The following KLK12 variants were observed in gnomAD, a reference collection of about 807,000 sequenced individuals.
KLK12 encodes kallikrein related peptidase 12, also known as kallikrein-12.
Under a neutral mutation model 20.0 loss-of-function variants are expected in KLK12, and 23 were observed. The observed-to-expected ratio is 1.15, with a 90% confidence interval of 0.83 to 1.63. The LOEUF (loss-of-function observed/expected upper bound fraction) is 1.63, where lower values mean the gene tolerates loss of function less well. Ranked by LOEUF, KLK12 falls within the 40% of genes most tolerant of loss-of-function variation. KLK12 has a pLI of 0.00. For missense variants in KLK12, 351 were observed against 338.6 expected (o/e 1.04, Z -0.29); for synonymous variants, 147 against 141.9 (o/e 1.04, Z -0.25).
chr19:51,030,801 T>C lies in KLK12; in HGVS notation c.578A>G (p.Gln193Arg), dbSNP rs1181282557. 2.5e-6 allele frequency: 4 copies of C among 1,613,734 alleles called. No individual in the cohort carries two copies. Among genetic ancestry groups the C allele is most frequent in the Non-Finnish European group, 3.4e-6 (4 of 1,180,026 alleles). ...NMVCAGGVPG[Q>R]DACQGDSGGP... Reference sequence around the variant, plus strand: ...GCACTGGCTCACCTGGCAGGCATCCTGCCCCGGGACGCCGCCTGCACACAC... The same window carrying C: ...GCACTGGCTCACCTGGCAGGCATCCCGCCCCGGGACGCCGCCTGCACACAC... Residue 193 changes from glutamine to arginine, a missense_variant, in exon 5 of 6, where the codon CAG becomes CGG. Coordinates refer to ENST00000684732, the MANE Select transcript of KLK12 (RefSeq NM_001370125.1).
intron 5 of KLK12, 24 bp downstream of exon 5, chr19:51,030,764 C>T (rs75565227): frequency 0.093 from 149,283 of 1,612,314 alleles, 7,780 homozygotes; most frequent in South Asian, 0.16. Flanking sequence ...CTGGTGACCA[C>T]GCACGCTGCC....
At chr19:51,033,833 TAAGG>T in intron 3 of KLK12, 143 bp downstream of exon 3, 2 of 870,086 alleles carry the variant, frequency 2.3e-6, no homozygotes, top group South Asian at 3.0e-5. Context: ...GGCCCACTGC[TAAGG>T]AAGTTCCACT....
rs2091597006 is a variant in KLK12, at chr19:51,034,950, C to T, written c.-164G>A. On this transcript the variant is annotated 5_prime_UTR_variant, in exon 1 of 6. Coordinates refer to ENST00000684732, the MANE Select transcript of KLK12 (RefSeq NM_001370125.1). ...CAACTCTACCACTCTGCACCTGGCT[C>T]CTCAGCCACCTGTCATGTTGCTCAA... 2.5e-6 allele frequency: 3 copies of T among 1,223,908 alleles called. No individual in the cohort carries two copies. Among genetic ancestry groups the T allele is most frequent in the East Asian group, 4.4e-5 (1 of 22,910 alleles). 75.8% of individuals were successfully genotyped at this position (1,223,908 alleles called of 1,614,324 possible).
chr19:51,033,220 CA>C (rs11285439), intron 3 of KLK12, among the ~76,000 whole-genome samples: 32,631 of 109,690 alleles, frequency 0.3, 3,724 homozygotes, highest in East Asian at 0.46. Flanking sequence ...ACTCTGTCTC[CA>C]AAAAAAAAAA....
rs372732618 is a variant in KLK12, at chr19:51,030,940, T to G, written c.458-19A>C. 32 of 1,613,746 alleles carry G rather than the reference T, an allele frequency of 2.0e-5. No homozygotes were observed. The African/African-American group carries it at 3.9e-4, about 20-fold the overall frequency. On this transcript the variant is annotated intron_variant, in intron 4 of 5. Transcript: ENST00000684732. ...AATGGGTCTGGAGAGAGAACATGCG[T>G]GCTGCAGGGTCCCCTAAATCTCCCC... is the stretch of plus-strand genomic sequence containing the variant.
Position 51,034,568 on chromosome 19 carries a change from G to A in KLK12, c.37+17C>T. 2 of 1,609,118 alleles carry A rather than the reference G, an allele frequency of 1.2e-6. No individual in the cohort carries two copies. The highest frequency in any genetic ancestry group is 2.7e-5 in the African/African-American group (2 of 74,968). On this transcript the variant is annotated intron_variant, in intron 2 of 5. Coordinates refer to ENST00000684732, the MANE Select transcript of KLK12 (RefSeq NM_001370125.1). ...CCAGTCGCAGTCCTGCCCTCTCCCT[G>A]CTCCGGGAGAACTCACCAAGAACAC... is the stretch of plus-strand genomic sequence containing the variant.
rs550177382 is a variant in KLK12, at chr19:51,033,780, G to T, written c.197+200C>A. 7.9e-6 allele frequency: 5 copies of T among 631,816 alleles called. No homozygotes were observed. The African/African-American group carries it at 9.0e-5, about 11-fold the overall frequency. The allele number at this position is 631,816 out of a possible 1,614,324, so 39.1% of individuals were successfully genotyped here. ...GAGGGCAGGTTCCAGGACCCTCCCC[G>T]GCCCTCCACCCAACATACCTCACCC... On this transcript the variant is annotated intron_variant, in intron 3 of 5. Coordinates refer to ENST00000684732, the MANE Select transcript of KLK12 (RefSeq NM_001370125.1).
rs894621833 is a variant in KLK12, at chr19:51,034,921, C to A, written c.-135G>T. The A allele has an allele frequency of 7.7e-6, 10 of 1,299,668 alleles. No homozygotes were observed. Among genetic ancestry groups the A allele is most frequent in the Non-Finnish European group, 8.9e-6 (9 of 1,015,768 alleles). 80.5% of individuals were successfully genotyped at this position (1,299,668 alleles called of 1,614,324 possible). ...TCTTCTCATGTGCTGGCCACTCCGC[C>A]AGCCAACTCTACCACTCTGCACCTG... On this transcript the variant is annotated 5_prime_UTR_variant, in exon 1 of 6. Coordinates refer to ENST00000684732, the MANE Select transcript of KLK12 (RefSeq NM_001370125.1).
At chr19:51,032,916 C>A (rs1033546394) in intron 3 of KLK12, among the ~76,000 whole-genome samples, 68 of 152,044 alleles carry the variant, frequency 4.5e-4, no homozygotes, top group African/African-American at 1.2e-3. Context: ...TCTCCCCTTT[C>A]ACAAAAAAAG....
At chr19:51,032,190 C>T in intron 3 of KLK12, 55 bp from the exon 4 acceptor site, 3 of 1,489,076 alleles carry the variant, frequency 2.0e-6, no homozygotes, top group Non-Finnish European at 2.7e-6. Context: ...CACCTTGCAC[C>T]CCTCCACGGA....
Position 51,034,088 on chromosome 19 carries a change from C to G in KLK12, c.89G>C (p.Arg30Pro). The change falls in exon 3 of 6, where the codon CGT (arginine) becomes CCT (proline). Residue 30 changes from arginine (R) to proline (P), a missense_variant. Physicochemically the swap from Arg to Pro is moderately radical, Grantham distance 103. Coordinates refer to ENST00000684732, the MANE Select transcript of KLK12 (RefSeq NM_001370125.1). ...CCCCACCTGCCACGGCTGTGAGTTA[C>G]GCCCACACTCAGTGCCATTGAAAAT... ...PKIFNGTECG[R>P]NSQPWQVGLF... 6.4e-7 allele frequency: 1 copy of G among 1,566,592 alleles called. No individual in the cohort carries two copies.
At chr19:51,030,308 G>A (rs1256054784) in intron 5 of KLK12, among the ~76,000 whole-genome samples, 2 of 133,294 alleles carry the variant, frequency 1.5e-5, no homozygotes, top group Non-Finnish European at 3.2e-5. Flanking sequence ...CCCTTATCCT[G>A]GGCCTCTCCT....
In KLK12 at chr19:51,031,902, C is replaced by G; in HGVS notation, c.431G>C (p.Gly144Ala). Residue 144 changes from glycine (G) to alanine (A), a missense_variant, in exon 4 of 6, where the codon GGC (glycine) becomes GCC (alanine). Transcript: ENST00000684732. ...ATAGTECHVS[G>A]WGITNHPRNP... ...CCGTGGGTGGTTGGTGATGCCCCAG[C>G]CTGAGACGTGGCACTCGGTGCCAGC... is the stretch of plus-strand genomic sequence containing the variant. 6.2e-7 allele frequency: 1 copy of G among 1,613,614 alleles called. No homozygotes were observed.
At chr19:51,031,850 CT>C in intron 4 of KLK12, 25 bp downstream of exon 4, 3 of 1,612,552 alleles carry the variant, frequency 1.9e-6, no homozygotes, top group Non-Finnish European at 2.5e-6. Context: ...ATCCTGACCC[CT>C]GACCCCTGGC....
chr19:51,030,470 C>G (rs1211518129), intron 5 of KLK12, among the ~76,000 whole-genome samples: 1 of 151,880 alleles, frequency 6.6e-6, no homozygotes, highest in Non-Finnish European at 1.5e-5. Context: ...CTGCCTCAGC[C>G]TTCCAAGTAG....
In KLK12 at chr19:51,034,107, T is replaced by A. The variant is rs1258900666; in HGVS notation, c.70A>T (p.Asn24Tyr). The change falls in exon 3 of 6, where the codon AAT becomes TAT. Residue 24 changes from asparagine to tyrosine, a missense_variant. Coordinates refer to ENST00000684732, the MANE Select transcript of KLK12 (RefSeq NM_001370125.1). The stretch of plus-strand genomic sequence containing the variant: ...GAGTTACGCCCACACTCAGTGCCAT[T>A]GAAAATCTTCGGTGTGGCTGCCTGG... Reference protein sequence around the residue: ...LSQAATPKIFNGTECGRNSQP... With the variant: ...LSQAATPKIFYGTECGRNSQP... 46 of 1,557,912 alleles carry A rather than the reference T, an allele frequency of 3.0e-5. No homozygotes were observed. Among genetic ancestry groups the A allele is most frequent in the Non-Finnish European group, 3.8e-5 (44 of 1,150,454 alleles).
Position 51,031,991 on chromosome 19 carries a change from C to T in KLK12, c.342G>A (p.Leu114=), listed in dbSNP as rs1171161144. ...SHEHDLRLLR[L]RLPVRVTSSV... is the part of the protein sequence containing the mutation. ...TGCTGGTTACGCGGACGGGCAGGCG[C>T]AGCCGCAGCAGCCGGAGGTCGTGCT... The change falls in exon 4 of 6, where the codon CTG becomes CTA. Residue 114 remains leucine (L), a synonymous_variant. Coordinates refer to ENST00000684732, the MANE Select transcript of KLK12 (RefSeq NM_001370125.1). 3 of 1,612,388 alleles carry T rather than the reference C, an allele frequency of 1.9e-6. No individual in the cohort carries two copies. The highest frequency in any genetic ancestry group is 1.1e-5 in the South Asian group (1 of 91,048).
chr19:51,034,152 AG>A lies in KLK12; in HGVS notation c.38-14del. On this transcript the variant is annotated splice_polypyrimidine_tract_variant and intron_variant, in intron 2 of 5. Transcript: ENST00000684732. ...GCCTGGCTGAGCCCTGGAGACAGACAGGGGCATGGGTCAGAGAGAGGAAGAA... is the reference window on the plus strand; with the variant it reads ...GCCTGGCTGAGCCCTGGAGACAGACAGGGCATGGGTCAGAGAGAGGAAGAA... 1.9e-6 allele frequency: 3 copies of A among 1,551,818 alleles called. No homozygotes were observed. The highest frequency in any genetic ancestry group is 1.4e-5 in the African/African-American group (1 of 73,160).
chr19:51,032,170 C>G, intron 3 of KLK12, 35 bp from the exon 4 acceptor site: 3 of 1,563,408 alleles, frequency 1.9e-6, no homozygotes, highest in Non-Finnish European at 2.6e-6. Flanking sequence ...GTGGCAGGCA[C>G]GCAGTCCCCC....
Sources: gnomAD v4.1 joint callset for allele counts (sites outside exome capture counted in the v4.1 genomes callset) on GRCh38, gnomAD v4.1.1 for gene constraint, MANE v1.5 for transcripts, NCBI Gene and HGNC (gene_info 2026-07-23, HGNC 2026-07-21) for gene names.